The following TTC7B variants were observed in gnomAD, a reference collection of about 807,000 sequenced individuals.
TTC7B encodes the protein tetratricopeptide repeat protein 7B.
TTC7B carries 28 observed loss-of-function variants against 106.8 expected under a neutral mutation model. The observed-to-expected ratio is 0.26, with a 90% CI of 0.19 to 0.36. The LOEUF (loss-of-function observed/expected upper bound fraction) is 0.36, where lower values mean the gene tolerates loss of function less well. Ranked by LOEUF, TTC7B falls within the 10% of genes least tolerant of loss-of-function variation. TTC7B has a pLI of 1.00. For missense variants in TTC7B, 862 were observed against 1,076.4 expected, an observed-to-expected ratio of 0.80 and a Z score of 2.79; for synonymous variants, 405 against 430.6, an observed-to-expected ratio of 0.94 and a Z score of 0.74.
intron 9 of TTC7B, among the ~76,000 whole-genome samples, chr14:90,668,854 T>G (rs1189216933): frequency 8.1e-5 from 8 of 98,308 alleles, no homozygotes; most frequent in Non-Finnish European, 1.3e-4. Flanking sequence ...TTTTTTTTTT[T>G]GCAGTAATGG....
At chr14:90,755,688 A>C (rs7146965) in intron 3 of TTC7B, among the ~76,000 whole-genome samples, 107,389 of 151,522 alleles carry the variant, frequency 0.71, 38,554 homozygotes, top group African/African-American at 0.83. Context: ...AACAAACAAA[A>C]AAAAAAAACA....
At chr14:90,599,032 T>A (rs921019948) in intron 17 of TTC7B, among the ~76,000 whole-genome samples, 6 of 152,064 alleles carry the variant, frequency 3.9e-5, no homozygotes, top group African/African-American at 1.4e-4. Flanking sequence ...GTGCCTGTAA[T>A]CCCAGCTACT....
chr14:90,592,818 C>T (rs1892019864), intron 18 of TTC7B, among the ~76,000 whole-genome samples: 1 of 152,168 alleles, frequency 6.6e-6, no homozygotes, highest in South Asian at 2.1e-4. Context: ...GGCACTCATG[C>T]CCCCCTTCCG....
At chr14:90,707,309 C>T (rs1279245419) in intron 5 of TTC7B, among the ~76,000 whole-genome samples, 1 of 152,200 alleles carries the variant, frequency 6.6e-6, no homozygotes, top group African/African-American at 2.4e-5. Flanking sequence ...CACTGACCAG[C>T]CATTTCCCCA....
chr14:90,570,899 A>T lies in TTC7B; in HGVS notation c.2310+7207T>A, dbSNP rs1891007597. On this transcript the variant is annotated intron_variant, in intron 19 of 19. Coordinates refer to ENST00000328459, the MANE Select transcript of TTC7B (RefSeq NM_001010854.2). The surrounding 1 kb of genome is among the most constrained non-coding windows in gnomAD (Gnocchi z 4.0). The stretch of plus-strand genomic sequence containing the variant: ...GAGATGAAGGGACTTATCTCGGGGT[A>T]CGCAGTTAGTAAGCGACACAGCTGG... Among the ~76,000 whole-genome samples, 1 of 152,214 alleles carries T rather than the reference A, an allele frequency of 6.6e-6. No homozygotes were observed. The highest frequency in any genetic ancestry group is 2.4e-5 in the African/African-American group (1 of 41,450).
At chr14:90,565,886 A>G (rs1438388537) in intron 19 of TTC7B, among the ~76,000 whole-genome samples, 1 of 152,220 alleles carries the variant, frequency 6.6e-6, no homozygotes, top group Non-Finnish European at 1.5e-5. Flanking sequence ...TCAGGACCAC[A>G]TTTATTAAGT....
chr14:90,593,147 C>T (rs559123906), intron 18 of TTC7B, among the ~76,000 whole-genome samples: 2 of 152,326 alleles, frequency 1.3e-5, no homozygotes, highest in Admixed American at 1.3e-4. Context: ...AGCTATGACT[C>T]CAAGTCACTC....
intron 16 of TTC7B, among the ~76,000 whole-genome samples, chr14:90,616,128 A>G (rs1293340357): frequency 6.6e-6 from 1 of 152,172 alleles, no homozygotes; most frequent in African/African-American, 2.4e-5. Flanking sequence ...CTGAGGGGAA[A>G]TTGGCAACAC....
At chr14:90,722,729 G>T (rs1040486939) in intron 5 of TTC7B, among the ~76,000 whole-genome samples, 1 of 152,176 alleles carries the variant, frequency 6.6e-6, no homozygotes, top group African/African-American at 2.4e-5. Flanking sequence ...TGATCCAGGG[G>T]TCACAATTTG....
chr14:90,617,013 G>T (rs1198762306), intron 16 of TTC7B, among the ~76,000 whole-genome samples: 1 of 152,140 alleles, frequency 6.6e-6, no homozygotes, highest in African/African-American at 2.4e-5. Flanking sequence ...CTAAACATAT[G>T]CAAGGGAAAA....
Position 90,816,322 on chromosome 14 carries a change from G to A in TTC7B, c.-27C>T, listed in dbSNP as rs2031188774. 3 of 1,011,044 alleles carry A rather than the reference G, an allele frequency of 3.0e-6. No homozygotes were observed. The highest frequency in any genetic ancestry group is 1.8e-5 in the African/African-American group (1 of 57,014). 62.6% of individuals were successfully genotyped at this position (1,011,044 alleles called of 1,614,324 possible). ...GCGGCCTGGCCGGGCCCGGCCGCCCGCCCCGCAGGCCCCACCGCCGCCGCC... is the reference window on the plus strand; with the variant it reads ...GCGGCCTGGCCGGGCCCGGCCGCCCACCCCGCAGGCCCCACCGCCGCCGCC... On this transcript the variant is annotated 5_prime_UTR_variant, in exon 1 of 20. Transcript: ENST00000328459.
chr14:90,739,903 C>A (rs1156772359), intron 4 of TTC7B, among the ~76,000 whole-genome samples: 2 of 152,222 alleles, frequency 1.3e-5, no homozygotes, highest in Non-Finnish European at 2.9e-5. Flanking sequence ...CCACTAGAAG[C>A]TCCTTGCAGG....
intron 18 of TTC7B, among the ~76,000 whole-genome samples, chr14:90,588,888 A>T (rs1566785745): frequency 9.6e-6 from 1 of 103,674 alleles, no homozygotes; most frequent in Non-Finnish European, 2.2e-5. Context: ...ACAAAAACTA[A>T]AAAAAAAAAA....
At chr14:90,732,473 G>T (rs1237899778) in intron 4 of TTC7B, among the ~76,000 whole-genome samples, 1 of 152,158 alleles carries the variant, frequency 6.6e-6, no homozygotes, top group African/African-American at 2.4e-5. Flanking sequence ...AACCTCGCAG[G>T]CTCAAACGAT....
intron 4 of TTC7B, 49 bp downstream of exon 4, chr14:90,744,743 T>C: frequency 6.3e-7 from 1 of 1,594,656 alleles, no homozygotes. Flanking sequence ...GTCCACTATC[T>C]GATTTGAGGG....
chr14:90,620,994 G>T (rs946727940), intron 15 of TTC7B, among the ~76,000 whole-genome samples: 1 of 152,230 alleles, frequency 6.6e-6, no homozygotes, highest in Non-Finnish European at 1.5e-5. Context: ...GGAACAGCAT[G>T]AGAGAGGCTG....
chr14:90,716,897 G>T (rs1183021072), intron 5 of TTC7B, among the ~76,000 whole-genome samples: 1 of 152,106 alleles, frequency 6.6e-6, no homozygotes, highest in Admixed American at 6.5e-5. Context: ...TTATGCCAGG[G>T]GGAGGCAGAA....
intron 12 of TTC7B, 25 bp from the exon 13 acceptor site, chr14:90,652,923 G>A (rs377130668): frequency 1.6e-4 from 257 of 1,613,340 alleles, no homozygotes; most frequent in Non-Finnish European, 2.0e-4. Flanking sequence ...CAATTAGTCA[G>A]TGGCATGGGG....
At chr14:90,587,421 C>T (rs1410177270) in intron 18 of TTC7B, among the ~76,000 whole-genome samples, 1 of 152,196 alleles carries the variant, frequency 6.6e-6, no homozygotes, top group Non-Finnish European at 1.5e-5. Flanking sequence ...GGGTTCATGC[C>T]CCAGGGGCCA....
Sources: allele counts gnomAD v4.1 joint callset (sites outside exome capture counted in the v4.1 genomes callset), GRCh38; gene constraint gnomAD v4.1.1; non-coding constraint Gnocchi (gnomAD v3.1); transcripts MANE v1.5; gene names NCBI Gene and HGNC (gene_info 2026-07-23, HGNC 2026-07-21).